The following PPM1E variants were observed in gnomAD, a reference collection of about 807,000 sequenced individuals.
The protein encoded by PPM1E is protein phosphatase, Mg2+/Mn2+ dependent 1E, also known as protein phosphatase 1E.
A neutral mutation model predicts 65.9 loss-of-function variants in PPM1E; 20 were observed. The observed-to-expected ratio is 0.30, with a 90% CI of 0.21 to 0.44. The LOEUF is 0.44. Ranked by LOEUF, PPM1E falls within the 20% of genes least tolerant of loss-of-function variation. The probability of loss-of-function intolerance (pLI) is 1.00; values close to 1 mark genes in which losing one functional copy is unlikely to be tolerated. For synonymous variants in PPM1E, 352 were observed against 374.9 expected (o/e 0.94, Z 0.70); for missense variants, 713 against 953.1 (o/e 0.75, Z 3.32).
intron 1 of PPM1E, among the ~76,000 whole-genome samples, chr17:58,857,119 A>T (rs1214334575): frequency 6.6e-6 from 1 of 152,340 alleles, no homozygotes; most frequent in East Asian, 1.9e-4. Flanking sequence ...TAAATACACT[A>T]TGCCCTGTTA....
chr17:58,794,377 C>T (rs1472940671), intron 1 of PPM1E, among the ~76,000 whole-genome samples: 1 of 151,976 alleles, frequency 6.6e-6, no homozygotes, highest in African/African-American at 2.4e-5. Context: ...CATGCCTGGC[C>T]CAATTTATTA....
At chr17:58,942,269 G>A (rs928548482) in intron 1 of PPM1E, among the ~76,000 whole-genome samples, 6 of 152,092 alleles carry the variant, frequency 3.9e-5, no homozygotes, top group Admixed American at 1.3e-4. Flanking sequence ...ACCTGTAGTC[G>A]TAGCTCCACA....
At chr17:58,778,470 C>T (rs1409558586) in intron 1 of PPM1E, among the ~76,000 whole-genome samples, 1 of 138,776 alleles carries the variant, frequency 7.2e-6, no homozygotes, top group Non-Finnish European at 1.5e-5. Context: ...AGTGCAGTGT[C>T]ATGATCTTGG....
chr17:58,910,572 A>T (rs1336905618), intron 1 of PPM1E, among the ~76,000 whole-genome samples: 1 of 152,134 alleles, frequency 6.6e-6, no homozygotes, highest in Non-Finnish European at 1.5e-5. Flanking sequence ...GCCAGACATG[A>T]TGTATAGGGT....
chr17:58,953,381 G>A (rs918816022), intron 1 of PPM1E, among the ~76,000 whole-genome samples: 4 of 152,162 alleles, frequency 2.6e-5, no homozygotes, highest in Non-Finnish European at 5.9e-5. Flanking sequence ...GCCCTCATGT[G>A]GAGATCACAT....
At chr17:58,966,749 GTCACTTGCC>G (rs2030281489) in intron 3 of PPM1E, 2 of 152,850 alleles carry the variant, frequency 1.3e-5, no homozygotes, top group African/African-American at 4.8e-5. Context: ...TTCTTTGCCT[GTCACTTGCC>G]TCTTTTCTTC....
chr17:58,964,793 C>T (rs1358428993), intron 2 of PPM1E, among the ~76,000 whole-genome samples: 1 of 152,250 alleles, frequency 6.6e-6, no homozygotes, highest in Non-Finnish European at 1.5e-5. Flanking sequence ...CCTATAATCC[C>T]AGCACTTTGG....
intron 1 of PPM1E, among the ~76,000 whole-genome samples, chr17:58,803,574 G>T (rs920556771): frequency 1.3e-5 from 2 of 152,286 alleles, no homozygotes; most frequent in African/African-American, 4.8e-5. Flanking sequence ...TGGAGGCCTT[G>T]TAGAATATTT....
chr17:58,860,741 C>G (rs1346313307), intron 1 of PPM1E, among the ~76,000 whole-genome samples: 1 of 152,080 alleles, frequency 6.6e-6, no homozygotes, highest in Non-Finnish European at 1.5e-5. Context: ...GTCAGGAATT[C>G]GCGACCAGTT....
intron 1 of PPM1E, among the ~76,000 whole-genome samples, chr17:58,846,595 T>C (rs936789150): frequency 3.3e-5 from 5 of 152,218 alleles, no homozygotes; most frequent in Non-Finnish European, 5.9e-5. Flanking sequence ...ACAAAGGACA[T>C]GAATGCATCC....
rs751591244 is a variant in PPM1E, at chr17:58,779,986, A to G, written c.464+23525A>G. ...AGGTGGATCATAATTTAACTTTCCCATTATTAATGAAGATTGTGATGCTTC... is the reference window on the plus strand; with the variant it reads ...AGGTGGATCATAATTTAACTTTCCCGTTATTAATGAAGATTGTGATGCTTC... On this transcript the variant is annotated intron_variant, in intron 1 of 6. Coordinates refer to ENST00000308249, the MANE Select transcript of PPM1E (RefSeq NM_014906.5). 3.0e-4 allele frequency among the ~76,000 whole-genome samples: 45 copies of G among 152,186 alleles called. 1 individual carries two copies. Among genetic ancestry groups the G allele is most frequent in the Admixed American group, 1.4e-3 (22 of 15,266 alleles).
chr17:58,782,915 C>T (rs1194208038), intron 1 of PPM1E, among the ~76,000 whole-genome samples: 1 of 151,928 alleles, frequency 6.6e-6, no homozygotes, highest in African/African-American at 2.4e-5. Context: ...ATTTTGTTTC[C>T]ATATTTTCCA....
chr17:58,875,969 T>A (rs1026487935), intron 1 of PPM1E, among the ~76,000 whole-genome samples: 29 of 152,198 alleles, frequency 1.9e-4, no homozygotes, highest in African/African-American at 7.0e-4. Flanking sequence ...TATCAATGAC[T>A]TTACATCTCT....
In PPM1E at chr17:58,835,063, T is replaced by A. The variant is rs114272039; in HGVS notation, c.464+78602T>A. Among the ~76,000 whole-genome samples, 1,306 of 152,298 alleles carry A rather than the reference T, an allele frequency of 8.6e-3. 19 individuals are homozygous for A. Among genetic ancestry groups the A allele is most frequent in the African/African-American group, 0.029 (1,218 of 41,566 alleles). On this transcript the variant is annotated intron_variant, in intron 1 of 6. Transcript: ENST00000308249. ...AGGTCATTAAAACCTTTTTTTGGCC[T>A]GGTGCAGTGACTCATGCCTATAATC...
chr17:58,845,095 G>A (rs771085701), intron 1 of PPM1E, among the ~76,000 whole-genome samples: 1 of 152,084 alleles, frequency 6.6e-6, no homozygotes, highest in Non-Finnish European at 1.5e-5. Context: ...AGCCTTAACA[G>A]TGTTGCTAAT....
Position 58,981,101 on chromosome 17 carries a change from G to C in PPM1E, c.*70G>C, listed in dbSNP as rs1242553336. The C allele has an allele frequency of 2.8e-5, 31 of 1,117,346 alleles. No homozygotes were observed. The highest frequency in any genetic ancestry group is 3.1e-5 in the Non-Finnish European group (24 of 781,654). The allele number at this position is 1,117,346 out of a possible 1,614,324, so 69.2% of individuals were successfully genotyped here. The stretch of plus-strand genomic sequence containing the variant: ...CCACTATCAGAGTAGAAACAAGGTA[G>C]ACATTTCTAAAACATATGTGCTTCA... On this transcript the variant is annotated 3_prime_UTR_variant, in exon 7 of 7. Coordinates refer to ENST00000308249, the MANE Select transcript of PPM1E (RefSeq NM_014906.5).
intron 1 of PPM1E, among the ~76,000 whole-genome samples, chr17:58,797,252 G>A (rs555099311): frequency 2.6e-5 from 4 of 152,160 alleles, no homozygotes; most frequent in South Asian, 4.1e-4. Context: ...AATACAATGC[G>A]TAAATCTTAA....
intron 1 of PPM1E, among the ~76,000 whole-genome samples, chr17:58,767,850 C>T (rs2049897797): frequency 6.6e-6 from 1 of 152,098 alleles, no homozygotes; most frequent in Admixed American, 6.6e-5. Context: ...CCATGTCGGT[C>T]AGACTGGTCT....
intron 1 of PPM1E, among the ~76,000 whole-genome samples, chr17:58,812,089 A>C (rs2050373900): frequency 6.6e-6 from 1 of 152,080 alleles, no homozygotes; most frequent in African/African-American, 2.4e-5. Context: ...CTAAAAATAA[A>C]CACAGGACAG....
Sources: gnomAD v4.1 joint callset for allele counts (sites outside exome capture counted in the v4.1 genomes callset) on GRCh38, gnomAD v4.1.1 for gene constraint, MANE v1.5 for transcripts, NCBI Gene and HGNC (gene_info 2026-07-23, HGNC 2026-07-21) for gene names.